RECK: variants seen among roughly 807,000 people sequenced by gnomAD.
RECK encodes the protein reversion-inducing cysteine-rich protein with Kazal motifs.
In RECK, 69 loss-of-function variants were observed where a neutral mutation model predicts 115.1. The observed-to-expected ratio is 0.60, with a 90% CI of 0.49 to 0.73. RECK has a LOEUF of 0.73. RECK is among the 30% of genes least tolerant of loss of function. The pLI is 0.00. For missense variants in RECK, 1,047 were observed against 1,203.7 expected (o/e 0.87, Z 1.93); for synonymous variants, 414 against 419.7 (o/e 0.99, Z 0.17).
chr9:36,085,800 T>G (rs1053315947), intron 8 of RECK: 1 of 152,136 alleles, frequency 6.6e-6, no homozygotes, highest in Non-Finnish European at 1.5e-5. Context: ...TTGGCCACCA[T>G]CTAAATCAGA....
rs565349604 is a variant in RECK at position 36,103,097 on chromosome 9, C to T, written c.1435+867C>T. 2.6e-4 allele frequency among the ~76,000 whole-genome samples: 39 copies of T among 152,270 alleles called. 1 individual carries two copies. Among genetic ancestry groups the T allele is most frequent in the Middle Eastern group, 6.8e-3 (2 of 294 alleles). Reference sequence around the variant, plus strand: ...TCATTGAGGGATCCTGGAGCTGGAGCTCAGCTTCTTGGCAGTGAGACCCAT... The same window carrying T: ...TCATTGAGGGATCCTGGAGCTGGAGTTCAGCTTCTTGGCAGTGAGACCCAT... On this transcript the variant is annotated intron_variant, in intron 12 of 20. Transcript: ENST00000377966.
At chr9:36,104,314 ATATATATATATATTTTTT>A (rs1564130844) in intron 12 of RECK, among the ~76,000 whole-genome samples, 1 of 58,894 alleles carries the variant, frequency 1.7e-5, no homozygotes, top group African/African-American at 9.2e-5. Flanking sequence ...ATATATATAT[ATATATATATATATTTTTT>A]TTTTTTTTTT....
intron 1 of RECK, among the ~76,000 whole-genome samples, chr9:36,039,426 T>C (rs901457458): frequency 5.9e-5 from 9 of 152,214 alleles, no homozygotes; most frequent in Non-Finnish European, 1.2e-4. Flanking sequence ...GCATCCAAGA[T>C]TGGGTACTTC....
intron 12 of RECK, among the ~76,000 whole-genome samples, chr9:36,103,109 G>C (rs1485154254): frequency 6.6e-6 from 1 of 152,136 alleles, no homozygotes; most frequent in African/African-American, 2.4e-5. Flanking sequence ...CAGCTTCTTG[G>C]CAGTGAGACC....
chr9:36,118,053 C>G (rs1455098700), intron 17 of RECK, among the ~76,000 whole-genome samples: 5 of 152,208 alleles, frequency 3.3e-5, no homozygotes, highest in African/African-American at 1.2e-4. Flanking sequence ...GCTTGCCCCT[C>G]TCCCTGGGGC....
chr9:36,119,020 C>T, intron 18 of RECK, 53 bp downstream of exon 18: 1 of 1,535,248 alleles, frequency 6.5e-7, no homozygotes, highest in Non-Finnish European at 9.0e-7. Flanking sequence ...ATTTGCTTAT[C>T]CACCTCCAGA....
chr9:36,103,128 G>A (rs966381093), intron 12 of RECK, among the ~76,000 whole-genome samples: 1 of 152,126 alleles, frequency 6.6e-6, no homozygotes, highest in African/African-American at 2.4e-5. Context: ...CCCATACATG[G>A]TGGAAACCAG....
intron 8 of RECK, chr9:36,086,058 A>C (rs991525394): frequency 6.6e-6 from 1 of 152,190 alleles, no homozygotes; most frequent in Non-Finnish European, 1.5e-5. Context: ...CGCCAAACAG[A>C]TATGCACAGA....
At chr9:36,104,309 TATATATATATATATATA>T (rs1440185998) in intron 12 of RECK, among the ~76,000 whole-genome samples, 15 of 66,762 alleles carry the variant, frequency 2.2e-4, no homozygotes, top group African/African-American at 8.3e-4. Flanking sequence ...TATATATATA[TATATATATATATATATA>T]TTTTTTTTTT....
At position 36,096,822 on chromosome 9, in the gene RECK, C is replaced by T. The variant is rs114935935; in HGVS notation, c.1086-3509C>T. 5.3e-3 allele frequency among the ~76,000 whole-genome samples: 810 copies of T among 151,986 alleles called. 6 individuals are homozygous for T. Among genetic ancestry groups the T allele is most frequent in the African/African-American group, 0.019 (770 of 41,462 alleles). ...AGAAAAAAATGAATTAGACTTCAAC[C>T]GTAAAATCTTTTGTTTGCCAAAAGA... On this transcript the variant is annotated intron_variant, in intron 10 of 20. Transcript: ENST00000377966.
chr9:36,122,706 G>A (rs2132681016), intron 20 of RECK, 118 bp from the exon 21 acceptor site: 2 of 706,438 alleles, frequency 2.8e-6, no homozygotes, highest in South Asian at 3.6e-5. Context: ...GAAGGACAAA[G>A]AGAAAGTAAA....
intron 13 of RECK, among the ~76,000 whole-genome samples, chr9:36,106,554 G>A (rs571119413): frequency 5.9e-5 from 9 of 151,878 alleles, no homozygotes; most frequent in Non-Finnish European, 1.0e-4. Context: ...TATTTTTAAA[G>A]TAAAATAAAG....
At chr9:36,117,391 C>T (rs761128632) in intron 17 of RECK, among the ~76,000 whole-genome samples, 4 of 152,126 alleles carry the variant, frequency 2.6e-5, no homozygotes, top group Non-Finnish European at 5.9e-5. Context: ...ATCTGGTGTA[C>T]AAGCAAGAAC....
rs544471683 is a variant in RECK, at chr9:36,088,452, T to G, written c.905+491T>G. On this transcript the variant is annotated intron_variant, in intron 9 of 20. Transcript: ENST00000377966. ...AGATGAAAAATTAACAATACAAATA[T>G]AGGATGTAGGAATTGCAGTCTAGAG... Among the ~76,000 whole-genome samples the G allele has an allele frequency of 3.9e-5, 6 of 152,208 alleles. No individual in the cohort carries two copies. In the South Asian group the frequency reaches 1.0e-3, roughly 26 times the overall value.
intron 16 of RECK, among the ~76,000 whole-genome samples, 192 bp downstream of exon 16, chr9:36,112,668 G>A (rs1824104716): frequency 6.6e-6 from 1 of 152,184 alleles, no homozygotes; most frequent in Admixed American, 6.5e-5. Flanking sequence ...CCAGAAGTAG[G>A]GCAGTTAATG....
intron 6 of RECK, among the ~76,000 whole-genome samples, chr9:36,073,337 T>C (rs889021285): frequency 2.0e-5 from 3 of 151,926 alleles, no homozygotes; most frequent in African/African-American, 7.3e-5. Flanking sequence ...TGTACCAATA[T>C]GATCCTTCCA....
Position 36,036,946 on chromosome 9 carries a change from G to C in RECK, c.-53G>C, listed in dbSNP as rs994271313. 1 of 1,207,954 alleles carries C rather than the reference G, an allele frequency of 8.3e-7. No individual in the cohort carries two copies. The allele number at this position is 1,207,954 out of a possible 1,614,324, so 74.8% of individuals were successfully genotyped here. ...GGCGGCGGTAGCGGCGGCAGCGGCT[G>C]CGGCCAAGCTGGGTCCGAGCATCCC... On this transcript the variant is annotated 5_prime_UTR_variant, in exon 1 of 21. Transcript: ENST00000377966.
intron 9 of RECK, among the ~76,000 whole-genome samples, chr9:36,088,647 G>A (rs532231792): frequency 6.6e-6 from 1 of 152,184 alleles, no homozygotes; most frequent in Non-Finnish European, 1.5e-5. Context: ...TAAATTGGAT[G>A]GACCTTTAGC....
intron 10 of RECK, among the ~76,000 whole-genome samples, chr9:36,098,129 A>C (rs532484011): frequency 6.6e-6 from 1 of 152,332 alleles, no homozygotes; most frequent in African/African-American, 2.4e-5. Context: ...CAAAAGGAGT[A>C]AGTTCAAGAG....
Sources: allele counts gnomAD v4.1 joint callset (sites outside exome capture counted in the v4.1 genomes callset), GRCh38; gene constraint gnomAD v4.1.1; transcripts MANE v1.5; gene names NCBI Gene and HGNC (gene_info 2026-07-23, HGNC 2026-07-21).